Variants in CNTN5 observed in about 807,000 individuals in gnomAD.
The protein encoded by CNTN5 is contactin 5.
Under a neutral mutation model 129.1 loss-of-function variants are expected in CNTN5, and 77 were observed. The observed-to-expected ratio is 0.60, with a 90% CI of 0.50 to 0.72. The LOEUF (loss-of-function observed/expected upper bound fraction) is 0.72. Among genes scored for constraint, CNTN5 ranks in the 30% least tolerant of loss-of-function variants. The probability of loss-of-function intolerance (pLI) is 0.00; values close to 1 mark genes in which losing one functional copy is unlikely to be tolerated. For synonymous variants in CNTN5, 509 were observed against 465.6 expected (o/e 1.09, Z -1.20); for missense variants, 1,478 against 1,328.8 (o/e 1.11, Z -1.75).
chr11:99,327,195 G>A lies in CNTN5; in HGVS notation c.-71+1711G>A, dbSNP rs571021518. Among the ~76,000 whole-genome samples the A allele has an allele frequency of 4.3e-4, 66 of 152,156 alleles. 2 individuals are homozygous for A. The South Asian group carries it at 0.014, about 32-fold the overall frequency. ...TTCAAAGAAAGACAACCGAACCACTGAACACAGCACAGCAGCTGTATGTAA... is the reference window on the plus strand; with the variant it reads ...TTCAAAGAAAGACAACCGAACCACTAAACACAGCACAGCAGCTGTATGTAA... On this transcript the variant is annotated intron_variant, in intron 2 of 24. Transcript: ENST00000524871.
At chr11:99,309,800 T>A (rs1321945704) in intron 1 of CNTN5, among the ~76,000 whole-genome samples, 1 of 152,158 alleles carries the variant, frequency 6.6e-6, no homozygotes, top group African/African-American at 2.4e-5. Context: ...AATCAAACAA[T>A]TGTTTTATTA....
chr11:99,614,923 TCCTAAGAATGG>T (rs1291271585), intron 3 of CNTN5, among the ~76,000 whole-genome samples: 1 of 151,850 alleles, frequency 6.6e-6, no homozygotes, highest in East Asian at 1.9e-4. Flanking sequence ...TTTAAGTTTT[TCCTAAGAATGG>T]CCGTACTGTT....
In CNTN5 at chr11:99,781,319, T is replaced by C. The variant is rs190147534; in HGVS notation, c.56-38225T>C. On this transcript the variant is annotated intron_variant, in intron 3 of 24. Coordinates refer to ENST00000524871, the MANE Select transcript of CNTN5 (RefSeq NM_014361.4). ...ACAGTGGAGTAACAGATGGCACTTA[T>C]ATTTTGTGAAATGACTTATTTTCAT... Among the ~76,000 whole-genome samples the C allele has an allele frequency of 5.3e-5, 8 of 152,198 alleles. No individual in the cohort carries two copies. In the South Asian group the frequency reaches 6.2e-4, roughly 12 times the overall value.
At chr11:99,907,141 A>C (rs1949530754) in intron 6 of CNTN5, among the ~76,000 whole-genome samples, 1 of 151,836 alleles carries the variant, frequency 6.6e-6, no homozygotes, top group South Asian at 2.1e-4. Flanking sequence ...TTCTGATGTT[A>C]GTTATTTCTT....
chr11:99,820,776 A>G (rs1457171064), intron 4 of CNTN5, among the ~76,000 whole-genome samples: 1 of 152,250 alleles, frequency 6.6e-6, no homozygotes, highest in Non-Finnish European at 1.5e-5. Context: ...TTTCATTCAC[A>G]TCAACAATGA....
chr11:99,994,062 T>G (rs1243985064), intron 8 of CNTN5, among the ~76,000 whole-genome samples: 2 of 152,078 alleles, frequency 1.3e-5, no homozygotes, highest in South Asian at 4.1e-4. Context: ...TTGGCCATAA[T>G]GGAAATTATT....
intron 3 of CNTN5, among the ~76,000 whole-genome samples, chr11:99,650,844 C>A (rs1952128438): frequency 6.6e-6 from 1 of 151,818 alleles, no homozygotes. Flanking sequence ...GCTAAATGCC[C>A]TAATTATTAT....
At chr11:99,414,119 C>T (rs374117250) in intron 2 of CNTN5, among the ~76,000 whole-genome samples, 34 of 152,332 alleles carry the variant, frequency 2.2e-4, no homozygotes, top group African/African-American at 8.2e-4. Context: ...CCTCTTCCTC[C>T]TAAACCACTG....
intron 3 of CNTN5, among the ~76,000 whole-genome samples, chr11:99,782,971 G>T (rs1182323189): frequency 6.6e-6 from 1 of 151,606 alleles, no homozygotes; most frequent in Non-Finnish European, 1.5e-5. Context: ...AGACAAAATT[G>T]ACAAATGGGA....
At chr11:99,814,866 T>C (rs1236041996) in intron 3 of CNTN5, among the ~76,000 whole-genome samples, 3 of 152,138 alleles carry the variant, frequency 2.0e-5, no homozygotes, top group Non-Finnish European at 4.4e-5. Context: ...CACAGCTCCA[T>C]GTGGCTAGCG....
chr11:99,577,343 T>C (rs1227609308), intron 3 of CNTN5, among the ~76,000 whole-genome samples: 1 of 152,178 alleles, frequency 6.6e-6, no homozygotes, highest in Non-Finnish European at 1.5e-5. Context: ...TCTACAACCA[T>C]ATGCTCTAAA....
chr11:99,567,186 T>C (rs1949032835), intron 3 of CNTN5, among the ~76,000 whole-genome samples: 5 of 152,182 alleles, frequency 3.3e-5, no homozygotes, highest in Admixed American at 3.3e-4. Context: ...CTGTCTCCTG[T>C]AGCAGCGCTT....
intron 3 of CNTN5, among the ~76,000 whole-genome samples, chr11:99,707,420 T>C (rs1383944508): frequency 6.6e-6 from 1 of 151,690 alleles, no homozygotes; most frequent in Non-Finnish European, 1.5e-5. Flanking sequence ...AAATTAATTT[T>C]CCTTCCAACA....
chr11:100,040,745 G>A (rs1253375986), intron 9 of CNTN5, among the ~76,000 whole-genome samples: 2 of 152,188 alleles, frequency 1.3e-5, no homozygotes, highest in Non-Finnish European at 1.5e-5. Flanking sequence ...AGCAATGAGC[G>A]AGACTCTGTG....
At chr11:99,059,575 T>G (rs1864788310) in intron 1 of CNTN5, among the ~76,000 whole-genome samples, 1 of 142,508 alleles carries the variant, frequency 7.0e-6, no homozygotes, top group African/African-American at 2.6e-5. Context: ...CATTCAGAAT[T>G]ATCCTGTGGA....
At chr11:99,051,589 C>T (rs1261506032) in intron 1 of CNTN5, among the ~76,000 whole-genome samples, 1 of 151,678 alleles carries the variant, frequency 6.6e-6, no homozygotes, top group Non-Finnish European at 1.5e-5. Flanking sequence ...TATTGATTAC[C>T]CACTGCGTTG....
chr11:99,444,269 T>A (rs1054917135), intron 2 of CNTN5, among the ~76,000 whole-genome samples: 1 of 152,080 alleles, frequency 6.6e-6, no homozygotes, highest in Non-Finnish European at 1.5e-5. Flanking sequence ...TAACTACCAA[T>A]AATTTCCTGA....
In CNTN5 at chr11:99,810,597, G is replaced by A. The variant is rs542221902; in HGVS notation, c.56-8947G>A. On this transcript the variant is annotated intron_variant, in intron 3 of 24. Coordinates refer to ENST00000524871, the MANE Select transcript of CNTN5 (RefSeq NM_014361.4). The stretch of plus-strand genomic sequence containing the variant: ...TTTGGGCTATTTCAAACTCTCATAT[G>A]CCATAGATGCAGACAACCAAATTGA... 2.8e-4 allele frequency among the ~76,000 whole-genome samples: 42 copies of A among 152,232 alleles called. No homozygotes were observed. In the South Asian group the frequency reaches 8.5e-3, roughly 31 times the overall value.
At chr11:99,663,265 C>T (rs1001565833) in intron 3 of CNTN5, among the ~76,000 whole-genome samples, 5 of 152,084 alleles carry the variant, frequency 3.3e-5, no homozygotes, top group Non-Finnish European at 7.4e-5. Flanking sequence ...GTCAGGAGTT[C>T]GAGACCAGCC....
Sources: gnomAD v4.1 joint callset for allele counts (sites outside exome capture counted in the v4.1 genomes callset) on GRCh38, gnomAD v4.1.1 for gene constraint, MANE v1.5 for transcripts, NCBI Gene and HGNC (gene_info 2026-07-23, HGNC 2026-07-21) for gene names.